CD300C: variants seen among roughly 807,000 people sequenced by gnomAD.
The protein encoded by CD300C is CMRF35-like molecule 6.
Under a neutral mutation model 18.4 loss-of-function variants are expected in CD300C, and 11 were observed. That is an observed-to-expected ratio of 0.60 (90% CI 0.38 to 0.99). The LOEUF (loss-of-function observed/expected upper bound fraction) is 0.99. CD300C is among the 50% of genes least tolerant of loss of function. The pLI is 0.01. For missense variants in CD300C, 277 were observed against 287.4 expected, an observed-to-expected ratio of 0.96 and a Z score of 0.26; for synonymous variants, 116 against 116.3, an observed-to-expected ratio of 1.00 and a Z score of 0.02.
downstream of CD300C, among the ~76,000 whole-genome samples, chr17:74,540,081 C>G (rs1908496240): frequency 6.6e-6 from 1 of 152,190 alleles, no homozygotes; most frequent in Non-Finnish European, 1.5e-5. Context: ...AGAATGCTAT[C>G]TGCAGGCCCT....
chr17:74,544,767 C>A lies in CD300C; in HGVS notation c.242G>T (p.Arg81Leu). 6.2e-7 allele frequency: 1 copy of A among 1,614,244 alleles called. No individual in the cohort carries two copies. The highest frequency in any genetic ancestry group is 8.5e-7 in the Non-Finnish European group (1 of 1,180,038). Residue 81 changes from arginine (R) to leucine (L), a missense_variant, in exon 2 of 4, where the codon CGA becomes CTA. Transcript: ENST00000330793. ...TKGSAGKRNGRVSIRDSPANL... is the reference protein window; with the variant it reads ...TKGSAGKRNGLVSIRDSPANL... ...TGCAGGACTGTCCCTGATGGACACT[C>A]GGCCATTCCTTTTCCCTGCTGACCC...
At chr17:74,538,217 T>TTGGCGCGG (rs1459503653), downstream of CD300C, among the ~76,000 whole-genome samples, 1 of 152,224 alleles carries the variant, frequency 6.6e-6, no homozygotes, top group Non-Finnish European at 1.5e-5. Flanking sequence ...AGTATGTTGC[T>TTGGCGCGG]TGGCGCGGTA....
chr17:74,542,251 G>A (rs1437218076), intron 3 of CD300C, among the ~76,000 whole-genome samples: 1 of 152,146 alleles, frequency 6.6e-6, no homozygotes, highest in African/African-American at 2.4e-5. Flanking sequence ...TCAGAGGACT[G>A]GGCTTATCAA....
intron 2 of CD300C, among the ~76,000 whole-genome samples, chr17:74,544,131 T>G (rs1908661108): frequency 6.6e-6 from 1 of 152,090 alleles, no homozygotes; most frequent in East Asian, 1.9e-4. Context: ...GGGGCAGCCT[T>G]GAGTGAGAGG....
In CD300C at chr17:74,541,740, T is replaced by C. The variant is rs1287498198; in HGVS notation, c.528-4A>G. On this transcript the variant is annotated splice_polypyrimidine_tract_variant and splice_region_variant and intron_variant, in intron 3 of 3. Transcript: ENST00000330793. ...GCGGACATTGCTGAACAGGGAGCTG[T>C]GGGGACACGGTGACAGGCAGTGAGT... 2 of 1,612,228 alleles carry C rather than the reference T, an allele frequency of 1.2e-6. No homozygotes were observed. Among genetic ancestry groups the C allele is most frequent in the Admixed American group, 1.7e-5 (1 of 59,704 alleles).
chr17:74,541,652 C>T lies in CD300C; in HGVS notation c.612G>A (p.Trp204Ter). 1.9e-6 allele frequency: 3 copies of T among 1,613,986 alleles called. No individual in the cohort carries two copies. Among genetic ancestry groups the T allele is most frequent in the Non-Finnish European group, 2.5e-6 (3 of 1,179,910 alleles). ...TAGAGCTTCTCTGAGGTCTGTTCAC[C>T]CAGAGGACGGCACCCAGCATGCTCA... ...LLLSMLGAVL[W>*]VNRPQRSSRS... Residue 204 changes from tryptophan to a stop codon, truncating the protein, a stop_gained, in exon 4 of 4, where the codon TGG becomes TGA. Coordinates refer to ENST00000330793, the MANE Select transcript of CD300C (RefSeq NM_006678.5). LOFTEE classifies it low-confidence loss of function (END_TRUNC).
downstream of CD300C, among the ~76,000 whole-genome samples, chr17:74,539,536 A>G (rs887838065): frequency 1.3e-5 from 2 of 152,062 alleles, no homozygotes; most frequent in African/African-American, 2.4e-5. Flanking sequence ...CTGGGGAGGC[A>G]CTGCTGAACT....
rs777405831 is a variant in CD300C, at chr17:74,544,919, G to A, written c.90C>T (p.Thr30=). 19 of 1,612,904 alleles carry A rather than the reference G, an allele frequency of 1.2e-5. No individual in the cohort carries two copies. The highest frequency in any genetic ancestry group is 4.5e-5 in the East Asian group (2 of 44,884). The change falls in exon 2 of 4, where the codon ACC becomes ACT. Residue 30 remains threonine (T), a synonymous_variant. Coordinates refer to ENST00000330793, the MANE Select transcript of CD300C (RefSeq NM_006678.5). The part of the protein sequence containing the change: ...PGYFPLSHPM[T]VAGPVGGSLS... ...GGGATCCCCCCACGGGGCCCGCCAC[G>A]GTCATGGGGTGGCTCAGAGGAAAAT... is the stretch of plus-strand genomic sequence containing the variant.
At position 74,545,939 on chromosome 17, in the gene CD300C, G is replaced by T; in HGVS notation, c.-157C>A. ...AGGTCTGAGGCTGGAGAGGGTCAGG[G>T]TACAGGAAGCTCAGGGAGAGAGCCG... On this transcript the variant is annotated 5_prime_UTR_variant, in exon 1 of 4. Coordinates refer to ENST00000330793, the MANE Select transcript of CD300C (RefSeq NM_006678.5). 1 of 679,074 alleles carries T rather than the reference G, an allele frequency of 1.5e-6. No individual in the cohort carries two copies. The highest frequency in any genetic ancestry group is 2.5e-6 in the Non-Finnish European group (1 of 393,512). The allele number at this position is 679,074 out of a possible 1,614,324, so 42.1% of individuals were successfully genotyped here. A position where few individuals can be genotyped will look rare whatever the true frequency, so the allele number is the denominator to read the frequency against.
chr17:74,542,105 GT>G (rs1908572725), intron 3 of CD300C, among the ~76,000 whole-genome samples: 1 of 152,172 alleles, frequency 6.6e-6, no homozygotes, highest in African/African-American at 2.4e-5. Flanking sequence ...TGTACACAGC[GT>G]TTCCAGGAGG....
rs1174915714 is a variant in CD300C at position 74,545,018 on chromosome 17, C to T, written c.62-71G>A. On this transcript the variant is annotated intron_variant, in intron 1 of 3. Coordinates refer to ENST00000330793, the MANE Select transcript of CD300C (RefSeq NM_006678.5). ...GGTCAGGGGTGCCGCAGTGTCAGCC[C>T]CTCATGGACCCTGGGCGTGTGGAGA... 39 of 1,385,766 alleles carry T rather than the reference C, an allele frequency of 2.8e-5. No individual in the cohort carries two copies. In the African/African-American group the frequency reaches 3.2e-4, roughly 11 times the overall value. The allele number at this position is 1,385,766 out of a possible 1,614,324, so 85.8% of individuals were successfully genotyped here. A position where few individuals can be genotyped will look rare whatever the true frequency, so the allele number is the denominator to read the frequency against.
chr17:74,544,230 C>T (rs1908665181), intron 2 of CD300C, among the ~76,000 whole-genome samples: 1 of 152,104 alleles, frequency 6.6e-6, no homozygotes, highest in African/African-American at 2.4e-5. Context: ...TGGATCCGGC[C>T]CTTGTCAATA....
intron 2 of CD300C, 143 bp from the exon 3 acceptor site, chr17:74,543,130 AC>A: frequency 8.7e-7 from 1 of 1,154,610 alleles, no homozygotes; most frequent in Non-Finnish European, 1.3e-6. Flanking sequence ...CCACGGCCAC[AC>A]CCAGGCCTGA....
chr17:74,537,357 A>C (rs765975770), downstream of CD300C, among the ~76,000 whole-genome samples: 25 of 152,198 alleles, frequency 1.6e-4, no homozygotes, highest in Non-Finnish European at 2.8e-4. Flanking sequence ...TCTCAAAAAT[A>C]AAGTGTTGAA....
At chr17:74,544,259 C>T (rs1908665907) in intron 2 of CD300C, among the ~76,000 whole-genome samples, 1 of 151,534 alleles carries the variant, frequency 6.6e-6, no homozygotes, top group Non-Finnish European at 1.5e-5. Flanking sequence ...TAGCAAGGAC[C>T]CCAGAGTCAG....
chr17:74,546,080 C>T lies in CD300C; in HGVS notation c.-298G>A. 1 of 375,312 alleles carries T rather than the reference C, an allele frequency of 2.7e-6. No individual in the cohort carries two copies. The highest frequency in any genetic ancestry group is 5.0e-6 in the Non-Finnish European group (1 of 199,416). The allele number at this position is 375,312 out of a possible 1,614,324, so 23.2% of individuals were successfully genotyped here. A position where few individuals can be genotyped will look rare whatever the true frequency, so the allele number is the denominator to read the frequency against. ...GGCGATGCAGCCACTTCCCCACAGC[C>T]CACAGCTTCTGGCTTCAGTGTGTTA... On this transcript the variant is annotated 5_prime_UTR_variant, in exon 1 of 4. Transcript: ENST00000330793.
intron 3 of CD300C, 119 bp downstream of exon 3, chr17:74,542,742 T>G: frequency 1.1e-5 from 13 of 1,195,864 alleles, no homozygotes; most frequent in South Asian, 1.5e-5. Flanking sequence ...AACCTTCACG[T>G]TTGGTGTGGG....
chr17:74,544,814 AC>A lies in CD300C; in HGVS notation c.194del (p.Cys65LeufsTer31). 1 of 1,614,240 alleles carries A rather than the reference AC, an allele frequency of 6.2e-7. No homozygotes were observed. Among genetic ancestry groups the A allele is most frequent in the South Asian group, 1.1e-5 (1 of 91,070 alleles). ...FWCRPPQILRCDKIVETKGSA... is the reference protein window; with the variant it reads ...FWCRPPQILRXDKIVETKGSA... ...ACCCTTTGGTCTCCACAATCTTGTC[AC>A]ATCGGAGAATCTGTGGTGGTCTGCA... On this transcript the variant is annotated frameshift_variant, in exon 2 of 4. Coordinates refer to ENST00000330793, the MANE Select transcript of CD300C (RefSeq NM_006678.5). LOFTEE classifies it high-confidence loss of function.
chr17:74,541,842 C>A, intron 3 of CD300C, 106 bp from the exon 4 acceptor site: 1 of 1,215,258 alleles, frequency 8.2e-7, no homozygotes, highest in Non-Finnish European at 1.2e-6. Context: ...CACAGCCAAC[C>A]ACATAAGCAC....
Sources: gnomAD v4.1 joint callset for allele counts (sites outside exome capture counted in the v4.1 genomes callset) on GRCh38, gnomAD v4.1.1 for gene constraint, MANE v1.5 for transcripts, NCBI Gene and HGNC (gene_info 2026-07-23, HGNC 2026-07-21) for gene names.